Variants in KSR1 observed in about 807,000 individuals in gnomAD.
The protein encoded by KSR1 is kinase suppressor of ras 1, also known as kinase suppressor of ras.
A neutral mutation model predicts 92.9 loss-of-function variants in KSR1; 35 were observed. The observed-to-expected ratio is 0.38, with a 90% CI of 0.29 to 0.50. The LOEUF is 0.50. KSR1 is among the 20% of genes least tolerant of loss of function. The pLI, the probability that KSR1 is intolerant of heterozygous loss-of-function variation, is 0.94. For synonymous variants in KSR1, 467 were observed against 472.6 expected, an observed-to-expected ratio of 0.99 and a Z score of 0.15; for missense variants, 972 against 1,158.5, an observed-to-expected ratio of 0.84 and a Z score of 2.34.
intron 1 of KSR1, among the ~76,000 whole-genome samples, chr17:27,458,109 G>C (rs2019266183): frequency 6.6e-6 from 1 of 152,182 alleles, no homozygotes; most frequent in Admixed American, 6.5e-5. Context: ...GAAGAATACA[G>C]TCAGTGCTGG....
chr17:27,556,356 G>A (rs1055074482), intron 2 of KSR1, among the ~76,000 whole-genome samples: 1 of 152,004 alleles, frequency 6.6e-6, no homozygotes, highest in African/African-American at 2.4e-5. Context: ...TGGGACTGCA[G>A]ATGTGCGCAC....
intron 10 of KSR1, 145 bp downstream of exon 10, chr17:27,597,581 C>T: frequency 1.2e-6 from 1 of 848,704 alleles, no homozygotes; most frequent in Admixed American, 2.9e-5. Flanking sequence ...GCCCCAAGCA[C>T]AATAGCTCTG....
intron 2 of KSR1, among the ~76,000 whole-genome samples, chr17:27,554,898 T>C (rs2071533785): frequency 6.6e-6 from 1 of 152,230 alleles, no homozygotes; most frequent in Admixed American, 6.5e-5. Context: ...GTTGCAGGGA[T>C]GTACAGAGAG....
chr17:27,501,594 C>G (rs2069192616), intron 1 of KSR1, among the ~76,000 whole-genome samples: 1 of 152,152 alleles, frequency 6.6e-6, no homozygotes, highest in Non-Finnish European at 1.5e-5. Context: ...GCCCTACATC[C>G]CAGCTGCTCC....
intron 11 of KSR1, 142 bp downstream of exon 11, chr17:27,601,543 A>AGCG: frequency 1.4e-6 from 1 of 722,626 alleles, no homozygotes; most frequent in South Asian, 1.8e-5. Context: ...GACTGCCCAT[A>AGCG]GAGGATGGGA....
chr17:27,532,398 G>A (rs1024460192), intron 1 of KSR1, among the ~76,000 whole-genome samples: 1 of 152,208 alleles, frequency 6.6e-6, no homozygotes, highest in African/African-American at 2.4e-5. Context: ...GTCCTGCGCG[G>A]CAGAGCACTT....
chr17:27,544,588 C>G (rs2071091747), intron 1 of KSR1, among the ~76,000 whole-genome samples: 1 of 152,224 alleles, frequency 6.6e-6, no homozygotes, highest in South Asian at 2.1e-4. Context: ...ACAGTACATT[C>G]TTGAAGCAAA....
intron 1 of KSR1, among the ~76,000 whole-genome samples, chr17:27,534,057 G>T (rs1420894895): frequency 1.3e-5 from 2 of 152,214 alleles, no homozygotes; most frequent in African/African-American, 4.8e-5. Flanking sequence ...TCCTCGGCTT[G>T]CTTCTTCAGG....
chr17:27,467,833 C>T (rs374898331), intron 1 of KSR1, among the ~76,000 whole-genome samples: 81 of 141,384 alleles, frequency 5.7e-4, no homozygotes, highest in African/African-American at 2.0e-3. Context: ...TTTTTTGAGA[C>T]GGAGTCTCGC....
chr17:27,553,997 G>A (rs1033936743), intron 2 of KSR1, among the ~76,000 whole-genome samples: 1 of 152,172 alleles, frequency 6.6e-6, no homozygotes. Flanking sequence ...TTCGGACTCT[G>A]ACTCGATACC....
intron 1 of KSR1, among the ~76,000 whole-genome samples, chr17:27,512,231 T>G (rs1429287184): frequency 6.6e-6 from 1 of 152,208 alleles, no homozygotes; most frequent in Non-Finnish European, 1.5e-5. Flanking sequence ...CCCAAGCCAT[T>G]TCCTCCTTCA....
intron 1 of KSR1, among the ~76,000 whole-genome samples, chr17:27,496,426 TTCTC>T (rs1045472794): frequency 4.6e-5 from 7 of 152,130 alleles, no homozygotes; most frequent in Admixed American, 2.6e-4. Context: ...GCCGCCCCCT[TTCTC>T]TATTTTGTTC....
chr17:27,530,819 G>C (rs567760080), intron 1 of KSR1, among the ~76,000 whole-genome samples: 179 of 152,300 alleles, frequency 1.2e-3, no homozygotes, highest in Non-Finnish European at 1.8e-3. Flanking sequence ...CAAAGACTTT[G>C]TGTGCGAGGT....
intron 1 of KSR1, among the ~76,000 whole-genome samples, chr17:27,547,571 T>C (rs1346989822): frequency 6.6e-6 from 1 of 152,238 alleles, no homozygotes; most frequent in East Asian, 1.9e-4. Context: ...GGATGTTTAA[T>C]ACTTTAATAA....
intron 1 of KSR1, among the ~76,000 whole-genome samples, chr17:27,534,343 A>G (rs1030035761): frequency 6.6e-6 from 1 of 152,232 alleles, no homozygotes; most frequent in Non-Finnish European, 1.5e-5. Flanking sequence ...AAAGCAATAA[A>G]CAAGTCAGAC....
intron 1 of KSR1, among the ~76,000 whole-genome samples, chr17:27,491,337 GT>G (rs2150961943): frequency 7.1e-6 from 1 of 140,248 alleles, no homozygotes; most frequent in Non-Finnish European, 1.6e-5. Flanking sequence ...GTGTGTGTGT[GT>G]GTGTGTGTGT....
In KSR1 at chr17:27,488,653, G is replaced by C. The variant is rs565719949; in HGVS notation, c.231+31779G>C. ...TAGAGACCAGCCTGGGCAACATGGT[G>C]AGTCCCTGTCTCTATTAAAAAATAA... On this transcript the variant is annotated intron_variant, in intron 1 of 20. Coordinates refer to ENST00000644974, the MANE Select transcript of KSR1 (RefSeq NM_001394583.1). Among the ~76,000 whole-genome samples the C allele has an allele frequency of 2.6e-5, 4 of 152,264 alleles. No homozygotes were observed. In the East Asian group the frequency reaches 7.7e-4, roughly 29 times the overall value.
intron 1 of KSR1, among the ~76,000 whole-genome samples, chr17:27,468,160 T>C (rs2019794231): frequency 6.6e-6 from 1 of 151,788 alleles, no homozygotes; most frequent in Non-Finnish European, 1.5e-5. Flanking sequence ...TTTAAACTTG[T>C]ACAAAAGTAG....
chr17:27,531,616 G>C (rs2070542611), intron 1 of KSR1, among the ~76,000 whole-genome samples: 1 of 152,204 alleles, frequency 6.6e-6, no homozygotes, highest in Admixed American at 6.5e-5. Context: ...GGTGGCTTCA[G>C]CCCTGCTCCT....
Sources: gnomAD v4.1 joint callset for allele counts (sites outside exome capture counted in the v4.1 genomes callset) on GRCh38, gnomAD v4.1.1 for gene constraint, MANE v1.5 for transcripts, NCBI Gene and HGNC (gene_info 2026-07-23, HGNC 2026-07-21) for gene names.